Variants in DLGAP2 observed in about 807,000 individuals in gnomAD.
The protein encoded by DLGAP2 is disks large-associated protein 2.
In DLGAP2, 26 loss-of-function variants were observed where a neutral mutation model predicts 100.3. The observed-to-expected ratio is 0.26, with a 90% confidence interval of 0.19 to 0.36. The LOEUF (loss-of-function observed/expected upper bound fraction) is 0.36, where lower values mean the gene tolerates loss of function less well. DLGAP2 is among the 10% of genes least tolerant of loss of function. The pLI is 1.00. For synonymous variants in DLGAP2, 886 were observed against 630.1 expected, an observed-to-expected ratio of 1.41 and a Z score of -6.08; for missense variants, 1,858 against 1,453.2, an observed-to-expected ratio of 1.28 and a Z score of -4.53.
chr8:1,140,044 G>A (rs764732874), intron 2 of DLGAP2, among the ~76,000 whole-genome samples: 17 of 152,100 alleles, frequency 1.1e-4, no homozygotes, highest in South Asian at 2.1e-4. Context: ...AATTTTAAAT[G>A]GTGCTTTTTT....
intron 2 of DLGAP2, among the ~76,000 whole-genome samples, chr8:1,243,964 C>G (rs1272158824): frequency 6.6e-6 from 1 of 152,162 alleles, no homozygotes; most frequent in African/African-American, 2.4e-5. Flanking sequence ...AGCTCCCAGC[C>G]TCCGCACTCC....
Position 1,470,651 on chromosome 8 carries a change from T to G in DLGAP2, c.107-30715T>G, listed in dbSNP as rs113553501. Among the ~76,000 whole-genome samples the G allele has an allele frequency of 5.7e-4, 87 of 152,200 alleles. 1 individual carries two copies. The highest frequency in any genetic ancestry group is 2.0e-3 in the African/African-American group (81 of 41,490). On this transcript the variant is annotated intron_variant, in intron 3 of 14. Transcript: ENST00000637795. ...ACAGAACAAAAGTGAAAGTGACTAA[T>G]CTCTCGGCACAATCCTACCATTTTA... is the stretch of plus-strand genomic sequence containing the variant.
intron 3 of DLGAP2, among the ~76,000 whole-genome samples, chr8:1,275,234 C>G (rs904188572): frequency 6.6e-6 from 1 of 152,070 alleles, no homozygotes; most frequent in Non-Finnish European, 1.5e-5. Flanking sequence ...TTTACGGTCA[C>G]ATGGTCCAGA....
At chr8:750,986 C>A (rs1295284191) in intron 1 of DLGAP2, among the ~76,000 whole-genome samples, 1 of 152,246 alleles carries the variant, frequency 6.6e-6, no homozygotes, top group Non-Finnish European at 1.5e-5. Flanking sequence ...CTTCTTTTTC[C>A]ATCAGCAAAC....
At chr8:818,057 G>A (rs1302889105) in intron 1 of DLGAP2, among the ~76,000 whole-genome samples, 2 of 152,134 alleles carry the variant, frequency 1.3e-5, no homozygotes, top group Non-Finnish European at 2.9e-5. Flanking sequence ...GGGCCATAGA[G>A]CTCCCAAGAT....
intron 5 of DLGAP2, among the ~76,000 whole-genome samples, chr8:1,556,267 C>G (rs961079154): frequency 6.6e-6 from 1 of 152,110 alleles, no homozygotes; most frequent in South Asian, 2.1e-4. Flanking sequence ...CCGGCTCTGT[C>G]CTCTCCCTCC....
intron 2 of DLGAP2, among the ~76,000 whole-genome samples, chr8:1,139,949 C>CT (rs1320234969): frequency 6.6e-6 from 1 of 152,184 alleles, no homozygotes; most frequent in African/African-American, 2.4e-5. Flanking sequence ...CAGAGCGAGG[C>CT]TTGAACTTGG....
chr8:807,616 CTCTCTCCTCTTTTTCTTCTCATTCATA>C (rs1796293486), intron 1 of DLGAP2, among the ~76,000 whole-genome samples: 4 of 145,380 alleles, frequency 2.8e-5, no homozygotes, highest in Admixed American at 2.1e-4. Flanking sequence ...TTCATATGTT[CTCTCTCCTCTTTTTCTTCTCATTCATA>C]TGTTCTCTCT....
At chr8:892,975 G>C (rs1461028597) in intron 1 of DLGAP2, 1 of 151,990 alleles carries the variant, frequency 6.6e-6, no homozygotes, top group Admixed American at 6.6e-5. Flanking sequence ...ATTGGTCTGT[G>C]GTTGTGCAAA....
In DLGAP2 at chr8:1,502,482, T is replaced by C. The variant is rs1799757087; in HGVS notation, c.172+1051T>C. On this transcript the variant is annotated intron_variant, in intron 4 of 14. Coordinates refer to ENST00000637795, the MANE Select transcript of DLGAP2 (RefSeq NM_001346810.2). ...AAGATGATGGAAATGGGTAGAGTTC[T>C]AAAGGATGACCGTCCATTATCCACT... is the stretch of plus-strand genomic sequence containing the variant. Among the ~76,000 whole-genome samples the C allele has an allele frequency of 2.6e-5, 4 of 152,222 alleles. No homozygotes were observed. The South Asian group carries it at 8.3e-4, about 32-fold the overall frequency.
chr8:1,125,700 TTG>T (rs1458678221), intron 2 of DLGAP2, among the ~76,000 whole-genome samples: 115 of 152,352 alleles, frequency 7.5e-4, no homozygotes, highest in African/African-American at 2.6e-3. Context: ...TTTGATTTAT[TTG>T]TGCATTTCAG....
chr8:1,318,560 G>C (rs1800819927), intron 3 of DLGAP2, among the ~76,000 whole-genome samples: 1 of 151,132 alleles, frequency 6.6e-6, no homozygotes, highest in Admixed American at 6.6e-5. Context: ...GTCAGGGCCG[G>C]TTCGTTACCT....
intron 2 of DLGAP2, among the ~76,000 whole-genome samples, chr8:921,325 G>T (rs1386742696): frequency 6.6e-6 from 1 of 152,186 alleles, no homozygotes; most frequent in Non-Finnish European, 1.5e-5. Context: ...GAGTGTGGAT[G>T]CGTGTCTATG....
intron 3 of DLGAP2, among the ~76,000 whole-genome samples, chr8:1,329,802 C>A (rs1801107272): frequency 6.6e-6 from 1 of 152,218 alleles, no homozygotes; most frequent in Non-Finnish European, 1.5e-5. Flanking sequence ...TGAGCCCTAT[C>A]AAACTGGGGC....
chr8:1,442,681 C>T (rs924042527), intron 3 of DLGAP2, among the ~76,000 whole-genome samples: 1 of 148,322 alleles, frequency 6.7e-6, no homozygotes, highest in Non-Finnish European at 1.5e-5. Context: ...ACCCGCCAGG[C>T]TGCTGTGGGT....
At chr8:1,024,916 T>G (rs1801747479) in intron 2 of DLGAP2, among the ~76,000 whole-genome samples, 1 of 152,206 alleles carries the variant, frequency 6.6e-6, no homozygotes, top group South Asian at 2.1e-4. Flanking sequence ...AACCTTGGCG[T>G]GGCAGAGTCT....
At chr8:863,700 G>A (rs962519417) in intron 1 of DLGAP2, among the ~76,000 whole-genome samples, 2 of 152,178 alleles carry the variant, frequency 1.3e-5, no homozygotes, top group Non-Finnish European at 2.9e-5. Context: ...TGTTCGACTG[G>A]CTTTCACCAA....
intron 1 of DLGAP2, among the ~76,000 whole-genome samples, chr8:861,133 G>T (rs896845790): frequency 2.0e-5 from 3 of 152,076 alleles, no homozygotes; most frequent in African/African-American, 7.2e-5. Context: ...GGCTCAATCT[G>T]GGAAAATGAA....
Position 1,678,761 on chromosome 8 carries a change from G to C in DLGAP2, c.2704+132G>C, listed in dbSNP as rs767342174. ...TGAAGGGAAATAAATGTGCTTTCTA[G>C]TATATCCCCCTCAATTCTAAGAAAA... is the stretch of plus-strand genomic sequence containing the variant. On this transcript the variant is annotated intron_variant, in intron 12 of 14. Transcript: ENST00000637795. The C allele has an allele frequency of 4.5e-5, 44 of 972,768 alleles. No homozygotes were observed. In the African/African-American group the frequency reaches 6.5e-4, roughly 14 times the overall value. The allele number at this position is 972,768 out of a possible 1,614,324, so 60.3% of individuals were successfully genotyped here.
Sources: gnomAD v4.1 joint callset for allele counts (sites outside exome capture counted in the v4.1 genomes callset) on GRCh38, gnomAD v4.1.1 for gene constraint, MANE v1.5 for transcripts, NCBI Gene and HGNC (gene_info 2026-07-23, HGNC 2026-07-21) for gene names.